CSMD1: variants seen among roughly 807,000 people sequenced by gnomAD.
CSMD1 encodes CUB and sushi domain-containing protein 1.
CSMD1 carries 213 observed loss-of-function variants against 417.5 expected under a neutral mutation model. The ratio of observed to expected loss-of-function variants is 0.51; its 90% CI spans 0.46 to 0.57. The LOEUF is 0.57. Among genes scored for constraint, CSMD1 ranks in the 20% least tolerant of loss-of-function variants. The probability of loss-of-function intolerance (pLI) is 0.00; values close to 1 mark genes in which losing one functional copy is unlikely to be tolerated. For missense variants in CSMD1, 6,923 were observed against 4,529.7 expected (o/e 1.53, Z -15.17); for synonymous variants, 2,862 against 1,736.8 (o/e 1.65, Z -16.11).
At chr8:3,355,340 A>C (rs184521235) in intron 21 of CSMD1, among the ~76,000 whole-genome samples, 5 of 152,328 alleles carry the variant, frequency 3.3e-5, no homozygotes, top group African/African-American at 9.6e-5. Context: ...AATTATAGCA[A>C]ACATTTATCT....
chr8:3,734,618 G>C (rs1026853), intron 6 of CSMD1, among the ~76,000 whole-genome samples: 4 of 152,038 alleles, frequency 2.6e-5, no homozygotes, highest in Non-Finnish European at 5.9e-5. Flanking sequence ...GTCTGAGGCA[G>C]GAGAATTGCT....
chr8:4,909,188 T>G (rs1484017625), intron 1 of CSMD1, among the ~76,000 whole-genome samples: 2 of 152,184 alleles, frequency 1.3e-5, no homozygotes, highest in African/African-American at 4.8e-5. Flanking sequence ...TCCACTCTTA[T>G]AATGCAGGAG....
intron 25 of CSMD1, among the ~76,000 whole-genome samples, chr8:3,307,244 C>G (rs529799560): frequency 6.6e-6 from 1 of 152,212 alleles, no homozygotes; most frequent in South Asian, 2.1e-4. Context: ...TGCTACAACC[C>G]TCCCACCGTG....
At chr8:3,785,529 T>C (rs1404268736) in intron 5 of CSMD1, among the ~76,000 whole-genome samples, 1 of 152,200 alleles carries the variant, frequency 6.6e-6, no homozygotes, top group Non-Finnish European at 1.5e-5. Context: ...TAGGTGTACT[T>C]CCACAAACAC....
intron 5 of CSMD1, among the ~76,000 whole-genome samples, chr8:3,829,531 T>A (rs1802248724): frequency 6.6e-6 from 1 of 152,168 alleles, no homozygotes; most frequent in Non-Finnish European, 1.5e-5. Context: ...AGAACATGAT[T>A]ACATGAGTTT....
chr8:4,650,675 G>C (rs535975207), intron 1 of CSMD1, among the ~76,000 whole-genome samples: 13 of 151,710 alleles, frequency 8.6e-5, no homozygotes, highest in Non-Finnish European at 1.6e-4. Context: ...AAAAGATACA[G>C]CTTGTAGTTG....
intron 3 of CSMD1, among the ~76,000 whole-genome samples, chr8:4,286,432 G>C (rs79930554): frequency 0.022 from 3,382 of 152,238 alleles, 140 homozygotes; most frequent in African/African-American, 0.077. Flanking sequence ...ATCATGGAGA[G>C]TATGTTTAGT....
chr8:4,004,004 T>G (rs913597306), intron 4 of CSMD1, among the ~76,000 whole-genome samples: 1 of 152,060 alleles, frequency 6.6e-6, no homozygotes. Flanking sequence ...TATGATCAAC[T>G]AAATAAAATT....
chr8:3,212,675 T>G (rs1387245999), intron 30 of CSMD1, among the ~76,000 whole-genome samples: 1 of 151,994 alleles, frequency 6.6e-6, no homozygotes, highest in Non-Finnish European at 1.5e-5. Flanking sequence ...TCTGTGCCAG[T>G]CTCTACTGCT....
chr8:4,036,956 G>GGTGT (rs57139782), intron 3 of CSMD1, among the ~76,000 whole-genome samples: 9,701 of 145,904 alleles, frequency 0.066, 443 homozygotes, highest in East Asian at 0.2. Context: ...GTGAGTGTGG[G>GGTGT]GTGTGTGTGT....
At chr8:3,030,777 AC>A (rs1436950458) in intron 50 of CSMD1, among the ~76,000 whole-genome samples, 2 of 152,054 alleles carry the variant, frequency 1.3e-5, no homozygotes, top group Non-Finnish European at 2.9e-5. Context: ...CAGCCACTAC[AC>A]CAAGCCTATA....
At chr8:4,654,777 T>C (rs1050242536) in intron 1 of CSMD1, among the ~76,000 whole-genome samples, 1 of 152,062 alleles carries the variant, frequency 6.6e-6, no homozygotes, top group African/African-American at 2.4e-5. Flanking sequence ...CCCTTCTGTG[T>C]ACACAGGCAG....
intron 2 of CSMD1, among the ~76,000 whole-genome samples, chr8:4,563,306 C>T (rs1199841127): frequency 6.6e-6 from 1 of 152,158 alleles, no homozygotes; most frequent in East Asian, 1.9e-4. Flanking sequence ...GAGGCTGAAG[C>T]AGGAGAATGG....
At chr8:3,387,980 T>C (rs1381921668) in intron 17 of CSMD1, among the ~76,000 whole-genome samples, 1 of 152,240 alleles carries the variant, frequency 6.6e-6, no homozygotes. Flanking sequence ...ATCAATGAAT[T>C]GCACTAAATA....
chr8:4,635,265 A>G (rs1020003957), intron 2 of CSMD1, among the ~76,000 whole-genome samples: 2 of 152,184 alleles, frequency 1.3e-5, no homozygotes, highest in African/African-American at 2.4e-5. Flanking sequence ...ACAGGTATCA[A>G]TTTATTTACT....
intron 2 of CSMD1, among the ~76,000 whole-genome samples, chr8:4,470,664 C>T (rs934054328): frequency 1.3e-5 from 2 of 152,036 alleles, no homozygotes; most frequent in African/African-American, 2.4e-5. Flanking sequence ...TTCTAAACGG[C>T]CATTAGTGCT....
intron 3 of CSMD1, among the ~76,000 whole-genome samples, chr8:4,207,765 G>T (rs758864454): frequency 6.6e-6 from 1 of 152,034 alleles, no homozygotes; most frequent in Non-Finnish European, 1.5e-5. Context: ...TAATCTACTA[G>T]GATAGCAAAC....
Position 4,969,144 on chromosome 8 carries a change from C to T in CSMD1, c.85+25188G>A, listed in dbSNP as rs75454769. On this transcript the variant is annotated intron_variant, in intron 1 of 69. Transcript: ENST00000635120. ...ACGAATGGATATGTACCTTATTGTA[C>T]TTTATTATACCATTATCATGGGATT... 1.8e-4 allele frequency among the ~76,000 whole-genome samples: 28 copies of T among 152,204 alleles called. No homozygotes were observed. The East Asian group carries it at 3.1e-3, about 17-fold the overall frequency.
chr8:3,824,529 T>A (rs978100568), intron 5 of CSMD1, among the ~76,000 whole-genome samples: 4 of 152,214 alleles, frequency 2.6e-5, no homozygotes, highest in African/African-American at 9.6e-5. Context: ...TAAAGCGTGA[T>A]GAGTCTGAAT....
Sources: allele counts gnomAD v4.1 joint callset (sites outside exome capture counted in the v4.1 genomes callset), GRCh38; gene constraint gnomAD v4.1.1; transcripts MANE v1.5; gene names NCBI Gene and HGNC (gene_info 2026-07-23, HGNC 2026-07-21).